Variants in CAMTA1 observed in about 807,000 individuals in gnomAD.
CAMTA1 encodes the protein calmodulin binding transcription activator 1, also known as calmodulin-binding transcription activator 1.
In CAMTA1, 27 loss-of-function variants were observed where a neutral mutation model predicts 170.9. That is an observed-to-expected ratio of 0.16 (90% confidence interval 0.12 to 0.22). The LOEUF (loss-of-function observed/expected upper bound fraction) is 0.22. CAMTA1 is among the 10% of genes least tolerant of loss of function. The probability of loss-of-function intolerance (pLI) is 1.00; values close to 1 mark genes in which losing one functional copy is unlikely to be tolerated. For missense variants in CAMTA1, 1,619 were observed against 2,217.2 expected, an observed-to-expected ratio of 0.73 and a Z score of 5.42; for synonymous variants, 833 against 891.5, an observed-to-expected ratio of 0.93 and a Z score of 1.17.
chr1:7,046,706 G>A (rs561406337), intron 3 of CAMTA1, among the ~76,000 whole-genome samples: 3 of 152,340 alleles, frequency 2.0e-5, no homozygotes, highest in South Asian at 4.1e-4. Context: ...TTAGGGGCAA[G>A]AGTGTGAGTT....
chr1:7,672,288 G>T (rs1180971079), intron 10 of CAMTA1, among the ~76,000 whole-genome samples: 1 of 151,864 alleles, frequency 6.6e-6, no homozygotes, highest in Non-Finnish European at 1.5e-5. Context: ...TCCACCCAAG[G>T]TGGTCCAGCC....
At chr1:7,652,486 G>A (rs2095854256) in intron 7 of CAMTA1, among the ~76,000 whole-genome samples, 1 of 152,172 alleles carries the variant, frequency 6.6e-6, no homozygotes, top group South Asian at 2.1e-4. Flanking sequence ...GGGAGCCAGG[G>A]ACTCGGGAGC....
chr1:7,412,271 C>T (rs1468839006), intron 5 of CAMTA1, among the ~76,000 whole-genome samples: 1 of 151,986 alleles, frequency 6.6e-6, no homozygotes, highest in Admixed American at 6.6e-5. Context: ...TGGGTATATA[C>T]CCAGTAATGG....
chr1:7,423,702 T>C (rs1196047786), intron 5 of CAMTA1, among the ~76,000 whole-genome samples: 4 of 152,102 alleles, frequency 2.6e-5, no homozygotes, highest in Non-Finnish European at 5.9e-5. Context: ...GCGCAACGAC[T>C]TCCCTTGCTT....
intron 4 of CAMTA1, among the ~76,000 whole-genome samples, chr1:7,182,511 A>C (rs979547926): frequency 2.0e-5 from 3 of 151,948 alleles, no homozygotes; most frequent in Non-Finnish European, 4.4e-5. Flanking sequence ...AAAAAAAAAA[A>C]AACACTAGAA....
intron 5 of CAMTA1, among the ~76,000 whole-genome samples, chr1:7,358,561 G>T (rs952571251): frequency 6.6e-6 from 1 of 152,112 alleles, no homozygotes; most frequent in Non-Finnish European, 1.5e-5. Flanking sequence ...CCCCTGCCCC[G>T]GGCAGCCCCG....
Position 6,934,708 on chromosome 1 carries a change from C to T in CAMTA1, c.234+109498C>T, listed in dbSNP as rs138312847. Among the ~76,000 whole-genome samples, 1 of 152,210 alleles carries T rather than the reference C, an allele frequency of 6.6e-6. No homozygotes were observed. Among genetic ancestry groups the T allele is most frequent in the Non-Finnish European group, 1.5e-5 (1 of 68,018 alleles). ...CCCTCCCCTCTCTCCCCTCTTATGCCCGCACCATGGCTTTACCTAGCCCTG... is the reference window on the plus strand; with the variant it reads ...CCCTCCCCTCTCTCCCCTCTTATGCTCGCACCATGGCTTTACCTAGCCCTG... On this transcript the variant is annotated intron_variant, in intron 3 of 22. Transcript: ENST00000303635. This position sits in a 1 kb window ranked among gnomAD's most constrained non-coding sequence, Gnocchi z 4.5.
intron 5 of CAMTA1, among the ~76,000 whole-genome samples, chr1:7,365,356 C>T (rs952391299): frequency 6.6e-6 from 1 of 152,186 alleles, no homozygotes; most frequent in African/African-American, 2.4e-5. Context: ...TTGTTGAATA[C>T]TGAAATCTCA....
intron 5 of CAMTA1, among the ~76,000 whole-genome samples, chr1:7,319,878 A>C (rs1287328549): frequency 6.6e-6 from 1 of 151,952 alleles, no homozygotes. Context: ...TTTCCTTGGC[A>C]TACTAAAAAT....
In CAMTA1 at chr1:7,511,438, A is replaced by G. The variant is rs545468122; in HGVS notation, c.510+43537A>G. Among the ~76,000 whole-genome samples, 26 of 110,558 alleles carry G rather than the reference A, an allele frequency of 2.4e-4. 3 individuals are homozygous for G. The highest frequency in any genetic ancestry group is 1.1e-3 in the Admixed American group (12 of 11,320). The allele number at this position is 110,558 out of a possible 152,430, so 72.5% of individuals were successfully genotyped here. On this transcript the variant is annotated intron_variant, in intron 6 of 22. Transcript: ENST00000303635. The stretch of plus-strand genomic sequence containing the variant: ...AAGCATGTGCAGGATGATAATTATC[A>G]TTATCACCATGGACACAAGCTCCTG...
At chr1:7,120,890 C>T (rs989856051) in intron 4 of CAMTA1, among the ~76,000 whole-genome samples, 3 of 152,234 alleles carry the variant, frequency 2.0e-5, no homozygotes, top group African/African-American at 4.8e-5. Context: ...CAGAGCCACA[C>T]TTGTGATTAA....
At chr1:6,928,026 T>A (rs1025816397) in intron 3 of CAMTA1, among the ~76,000 whole-genome samples, 2 of 152,132 alleles carry the variant, frequency 1.3e-5, no homozygotes, top group Non-Finnish European at 2.9e-5. Context: ...GGGGCCAGGC[T>A]CCACTCTCTC....
In CAMTA1 at chr1:7,234,149, G is replaced by C. The variant is rs971710728; in HGVS notation, c.303-15342G>C. 6.6e-6 allele frequency among the ~76,000 whole-genome samples: 1 copy of C among 152,222 alleles called. No individual in the cohort carries two copies. The highest frequency in any genetic ancestry group is 2.1e-4 in the South Asian group (1 of 4,808). ...CCTGGTTCAGGAGCCCAGATTACTT[G>C]GGGTGAGCCGCTCTCTCGCCCCGTC... On this transcript the variant is annotated intron_variant, in intron 4 of 22. Coordinates refer to ENST00000303635, the MANE Select transcript of CAMTA1 (RefSeq NM_015215.4). This position sits in a 1 kb window ranked among gnomAD's most constrained non-coding sequence, Gnocchi z 5.0.
rs1014194728 is a variant in CAMTA1 at position 6,961,184 on chromosome 1, T to C, written c.235-130120T>C. ...TTTGGAGAAAGCGATTGGGCTGCGA[T>C]GCAGTTAAGTTTCCTTTGTTGTAAG... On this transcript the variant is annotated intron_variant, in intron 3 of 22. Transcript: ENST00000303635. 3.3e-5 allele frequency among the ~76,000 whole-genome samples: 5 copies of C among 152,372 alleles called. No individual in the cohort carries two copies. In the East Asian group the frequency reaches 9.6e-4, roughly 29 times the overall value.
intron 6 of CAMTA1, among the ~76,000 whole-genome samples, chr1:7,563,257 T>C (rs960927715): frequency 3.9e-5 from 6 of 152,130 alleles, no homozygotes; most frequent in Non-Finnish European, 7.4e-5. Flanking sequence ...GCCAGAGTCT[T>C]CCGCGCAGCT....
chr1:7,398,223 A>C (rs1267644014), intron 5 of CAMTA1, among the ~76,000 whole-genome samples: 12 of 115,410 alleles, frequency 1.0e-4, no homozygotes, highest in African/African-American at 2.1e-4. Context: ...ATATATATAT[A>C]TATATATATA....
chr1:6,945,204 T>C (rs1020561865), intron 3 of CAMTA1, among the ~76,000 whole-genome samples: 1 of 152,204 alleles, frequency 6.6e-6, no homozygotes, highest in Non-Finnish European at 1.5e-5. Context: ...TTCATATAGC[T>C]TACAATTCAC....
chr1:7,427,852 C>A (rs1309420468), intron 5 of CAMTA1, among the ~76,000 whole-genome samples: 1 of 152,148 alleles, frequency 6.6e-6, no homozygotes, highest in African/African-American at 2.4e-5. Flanking sequence ...CTAGGGTGAG[C>A]CTTGAGGTAC....
chr1:7,523,708 C>T (rs2094395421), intron 6 of CAMTA1, among the ~76,000 whole-genome samples: 1 of 127,368 alleles, frequency 7.9e-6, no homozygotes, highest in South Asian at 2.9e-4. Flanking sequence ...GAAACCCCGT[C>T]TCTACTAAAT....
Sources: allele counts gnomAD v4.1 joint callset (sites outside exome capture counted in the v4.1 genomes callset), GRCh38; gene constraint gnomAD v4.1.1; non-coding constraint Gnocchi (gnomAD v3.1); transcripts MANE v1.5; gene names NCBI Gene and HGNC (gene_info 2026-07-23, HGNC 2026-07-21).